The following CFAP47 variants were observed in gnomAD, a reference collection of about 807,000 sequenced individuals.
CFAP47 encodes cilia and flagella associated protein 47.
Under a neutral mutation model 148.1 loss-of-function variants are expected in CFAP47, and 29 were observed. The observed-to-expected ratio is 0.20, with a 90% CI of 0.15 to 0.27. The LOEUF (loss-of-function observed/expected upper bound fraction) is 0.27, where lower values mean the gene tolerates loss of function less well. CFAP47 is among the 10% of genes least tolerant of loss of function. The pLI is 1.00. For synonymous variants in CFAP47, 664 were observed against 577.3 expected (o/e 1.15, Z -2.15); for missense variants, 1,872 against 1,697.5 (o/e 1.10, Z -1.81).
At chrX:36,153,852 G>A (rs1939337177) in intron 37 of CFAP47, among the ~76,000 whole-genome samples, 1 of 111,617 alleles carries the variant, frequency 9.0e-6, no homozygotes, top group Non-Finnish European at 1.9e-5. Context: ...GAGCCTTGAG[G>A]CATTGGTGGG....
chrX:36,318,005 A>T (rs1556011365), intron 56 of CFAP47, among the ~76,000 whole-genome samples: 1 of 111,580 alleles, frequency 9.0e-6, no homozygotes, highest in African/African-American at 3.3e-5. Context: ...TTGAGAGCTT[A>T]TAAAAATTCA....
intron 29 of CFAP47, among the ~76,000 whole-genome samples, chrX:36,075,201 T>TTTTA (rs34532797): frequency 0.046 from 4,883 of 106,576 alleles, 130 homozygotes; most frequent in African/African-American, 0.076. Flanking sequence ...TATGTATTAT[T>TTTTA]TTTATTTATT....
chrX:35,928,991 T>C (rs1189522336), intron 2 of CFAP47, among the ~76,000 whole-genome samples: 1 of 111,728 alleles, frequency 9.0e-6, no homozygotes, highest in African/African-American at 3.3e-5. Flanking sequence ...TTCTGCATTT[T>C]TTTTCCATTC....
chrX:35,971,652 C>T lies in CFAP47; in HGVS notation c.2037C>T (p.Pro679=), dbSNP rs982840526. ...AGCCAGGATCAGGTCTAAAGTCACC[C>T]TCACTCTCAGAAGCGGAAATAGAAG... is the stretch of plus-strand genomic sequence containing the variant. ...GLEPGSGLKS[P]SLSEAEIEEE... is the part of the protein sequence containing the mutation. Residue 679 remains proline (P), a synonymous_variant, in exon 12 of 64, where the codon CCC becomes CCT. Coordinates refer to ENST00000378653, the MANE Select transcript of CFAP47 (RefSeq NM_001304548.2). 3 of 1,206,420 alleles carry T rather than the reference C, an allele frequency of 2.5e-6. No homozygotes were observed. Among genetic ancestry groups the T allele is most frequent in the African/African-American group, 1.7e-5 (1 of 57,513 alleles).
chrX:36,210,037 T>A (rs1555989291), intron 45 of CFAP47, among the ~76,000 whole-genome samples: 1 of 111,959 alleles, frequency 8.9e-6, no homozygotes, highest in East Asian at 2.8e-4. Flanking sequence ...CAGTATGCCA[T>A]TTCTAGTAAT....
intron 39 of CFAP47, among the ~76,000 whole-genome samples, chrX:36,176,225 C>T (rs772213309): frequency 1.8e-5 from 2 of 108,910 alleles, no homozygotes; most frequent in East Asian, 2.9e-4. Flanking sequence ...AGATGAACCC[C>T]GTACCTCAGA....
chrX:36,295,496 T>G (rs1308374726), intron 51 of CFAP47, among the ~76,000 whole-genome samples: 1 of 112,264 alleles, frequency 8.9e-6, no homozygotes, highest in Non-Finnish European at 1.9e-5. Context: ...TGTTTTATTT[T>G]GTATGTTATT....
chrX:36,061,761 C>G (rs1238206538), intron 26 of CFAP47, among the ~76,000 whole-genome samples: 3 of 111,580 alleles, frequency 2.7e-5, no homozygotes, highest in Non-Finnish European at 5.7e-5. Context: ...TGAATTTATT[C>G]CATTGATTTT....
rs752757199 is a variant in CFAP47 at position 36,104,544 on chromosome X, C to A, written c.5173C>A (p.Pro1725Thr). ...RVVPYCSNNM[P>T]PICVQNTPKV... ...AGTGCCATACTGCAGCAATAATATG[C>A]CCCCCATATGTGTGCAAAATACACC... Residue 1725 changes from proline (P) to threonine (T), a missense_variant, in exon 33 of 64, where the codon CCC becomes ACC. Coordinates refer to ENST00000378653, the MANE Select transcript of CFAP47 (RefSeq NM_001304548.2). 10 of 975,119 alleles carry A rather than the reference C, an allele frequency of 1.0e-5. No homozygotes were observed. The highest frequency in any genetic ancestry group is 1.4e-5 in the Non-Finnish European group (10 of 713,343). The allele number at this position is 975,119 out of a possible 1,213,427, so 80.4% of individuals were successfully genotyped here.
chrX:36,097,360 C>T (rs930310429), intron 30 of CFAP47, among the ~76,000 whole-genome samples: 8 of 110,785 alleles, frequency 7.2e-5, no homozygotes, highest in African/African-American at 2.6e-4. Flanking sequence ...CAGATAATTA[C>T]TTATGGTTTA....
At chrX:36,198,573 G>GT (rs1939943799) in intron 42 of CFAP47, among the ~76,000 whole-genome samples, 1 of 112,641 alleles carries the variant, frequency 8.9e-6, no homozygotes, top group Non-Finnish European at 1.9e-5. Flanking sequence ...GGTTATCCCC[G>GT]TAAGTGACAG....
chrX:36,307,571 TA>T (rs1324726073), intron 55 of CFAP47, among the ~76,000 whole-genome samples: 1 of 111,131 alleles, frequency 9.0e-6, no homozygotes, highest in East Asian at 2.8e-4. Context: ...TACTACCAAT[TA>T]AAATTTTATG....
At chrX:36,309,460 T>C (rs1276614946) in intron 55 of CFAP47, among the ~76,000 whole-genome samples, 1 of 111,420 alleles carries the variant, frequency 9.0e-6, no homozygotes, top group Non-Finnish European at 1.9e-5. Flanking sequence ...TAGAAGAAGA[T>C]TGAGAAAAAT....
chrX:36,375,517 T>A (rs1396458439), intron 62 of CFAP47, among the ~76,000 whole-genome samples: 1 of 112,324 alleles, frequency 8.9e-6, no homozygotes, highest in Admixed American at 9.5e-5. Flanking sequence ...TAGAATGTTC[T>A]GCATATAGCT....
At chrX:36,081,139 G>A (rs1320509108) in intron 29 of CFAP47, among the ~76,000 whole-genome samples, 1 of 110,975 alleles carries the variant, frequency 9.0e-6, no homozygotes, top group African/African-American at 3.3e-5. Context: ...ATACAAATAA[G>A]CACAATCAAA....
intron 2 of CFAP47, among the ~76,000 whole-genome samples, chrX:35,932,582 G>A (rs906470195): frequency 2.7e-5 from 3 of 109,262 alleles, no homozygotes; most frequent in African/African-American, 1.0e-4. Context: ...GATACTCCAA[G>A]ATTCTCTCTT....
intron 42 of CFAP47, among the ~76,000 whole-genome samples, chrX:36,191,120 G>C (rs1939861252): frequency 1.8e-5 from 2 of 111,478 alleles, no homozygotes; most frequent in Non-Finnish European, 1.9e-5. Flanking sequence ...CCTTTTTATA[G>C]TAATGCTGAA....
At chrX:36,170,459 C>T (rs1333884412) in intron 39 of CFAP47, among the ~76,000 whole-genome samples, 1 of 109,788 alleles carries the variant, frequency 9.1e-6, no homozygotes, top group African/African-American at 3.4e-5. Flanking sequence ...CCCCCGACCC[C>T]ACAACAGTCC....
intron 33 of CFAP47, among the ~76,000 whole-genome samples, chrX:36,129,376 T>A (rs766422323): frequency 9.5e-4 from 105 of 111,011 alleles, no homozygotes; most frequent in African/African-American, 3.3e-3. Flanking sequence ...ATACTGAAAA[T>A]ATTTTACTTA....
Sources: allele counts gnomAD v4.1 joint callset (sites outside exome capture counted in the v4.1 genomes callset), GRCh38; gene constraint gnomAD v4.1.1; transcripts MANE v1.5; gene names NCBI Gene and HGNC (gene_info 2026-07-23, HGNC 2026-07-21).